C16orf89: variants seen among roughly 807,000 people sequenced by gnomAD.
C16orf89 encodes chromosome 16 open reading frame 89, also known as UPF0764 protein C16orf89.
A neutral mutation model predicts 41.5 loss-of-function variants in C16orf89; 57 were observed. The observed-to-expected ratio is 1.38, with a 90% CI of 1.11 to 1.71. The LOEUF (loss-of-function observed/expected upper bound fraction) is 1.71, where lower values mean the gene tolerates loss of function less well. Ranked by LOEUF, C16orf89 falls within the 40% of genes most tolerant of loss-of-function variation. The pLI is 0.00. For synonymous variants in C16orf89, 223 were observed against 190.6 expected, an observed-to-expected ratio of 1.17 and a Z score of -1.40; for missense variants, 575 against 445.9, an observed-to-expected ratio of 1.29 and a Z score of -2.61.
intron 4 of C16orf89, among the ~76,000 whole-genome samples, chr16:5,057,523 AT>A (rs1465822520): frequency 1.3e-5 from 2 of 149,252 alleles, no homozygotes; most frequent in Non-Finnish European, 3.0e-5. Context: ...TTCTTTTTCT[AT>A]TTTTTTATAT....
intron 7 of C16orf89, among the ~76,000 whole-genome samples, chr16:5,045,515 G>C (rs1052994265): frequency 6.6e-6 from 1 of 152,154 alleles, no homozygotes; most frequent in Non-Finnish European, 1.5e-5. Flanking sequence ...CAGAGACTTT[G>C]GGAAGGGGAG....
At chr16:5,054,812 T>G (rs1056276012) in intron 6 of C16orf89, among the ~76,000 whole-genome samples, 1 of 152,186 alleles carries the variant, frequency 6.6e-6, no homozygotes, top group African/African-American at 2.4e-5. Flanking sequence ...GGGGTTTCCC[T>G]TTGTGCTTGC....
Position 5,065,948 on chromosome 16 carries a change from C to G in C16orf89, c.-40G>C, listed in dbSNP as rs976354784. ...CACTGCTGGTCACACGCTCAGCACC[C>G]TGAGCTCTGGCCAAGCCCAGACTGC... On this transcript the variant is annotated 5_prime_UTR_variant, in exon 1 of 8. Transcript: ENST00000472572. 4 of 1,603,810 alleles carry G rather than the reference C, an allele frequency of 2.5e-6. No individual in the cohort carries two copies. The highest frequency in any genetic ancestry group is 2.7e-5 in the African/African-American group (2 of 74,692).
chr16:5,063,547 T>C (rs957982925), intron 1 of C16orf89, among the ~76,000 whole-genome samples: 4 of 152,126 alleles, frequency 2.6e-5, no homozygotes, highest in African/African-American at 9.7e-5. Flanking sequence ...GCATCTGTAA[T>C]TTACAGCCAC....
intron 3 of C16orf89, 134 bp downstream of exon 3, chr16:5,060,152 T>C: frequency 8.9e-7 from 1 of 1,121,034 alleles, no homozygotes; most frequent in Non-Finnish European, 1.2e-6. Context: ...ACCCGGCAGC[T>C]ACAGGGAGCT....
At chr16:5,062,702 A>G in intron 1 of C16orf89, 128 bp from the exon 2 acceptor site, 1 of 1,068,102 alleles carries the variant, frequency 9.4e-7, no homozygotes, top group Admixed American at 3.0e-5. Flanking sequence ...TCCAGCACTC[A>G]GAGGGGAAGG....
rs896617878 is a variant in C16orf89 at position 5,060,369 on chromosome 16, G to A, written c.426C>T (p.Ser142=). 1 of 1,613,662 alleles carries A rather than the reference G, an allele frequency of 6.2e-7. No homozygotes were observed. The highest frequency in any genetic ancestry group is 8.5e-7 in the Non-Finnish European group (1 of 1,179,842). The change falls in exon 3 of 8, where the codon TCC becomes TCT. Residue 142 remains serine (S), a synonymous_variant. Coordinates refer to ENST00000472572, the MANE Select transcript of C16orf89 (RefSeq NM_001098514.3). ...LPHAWIHTDA[S]LVYPTFGPQD... is the part of the protein sequence containing the mutation. ...GGGGCCCGAACGTGGGGTACACCAA[G>A]GAGGCATCAGTGTGGATCCAGGCAT...
chr16:5,062,093 CT>C (rs2142672879), intron 2 of C16orf89, among the ~76,000 whole-genome samples: 1 of 152,290 alleles, frequency 6.6e-6, no homozygotes, highest in South Asian at 2.1e-4. Flanking sequence ...GTTGAATTGC[CT>C]TTTGGATACT....
At position 5,056,035 on chromosome 16, in the gene C16orf89, G is replaced by A. The variant is rs1956494782; in HGVS notation, c.763+18C>T. ...GACACCCTGTTCCTTTGCCCCGGGG[G>A]CAGAATGCTGGCCATACTGTTTTCC... On this transcript the variant is annotated intron_variant, in intron 5 of 7. Transcript: ENST00000472572. 6.3e-7 allele frequency: 1 copy of A among 1,580,392 alleles called. No individual in the cohort carries two copies. The highest frequency in any genetic ancestry group is 1.7e-5 in the Admixed American group (1 of 58,922).
At chr16:5,057,505 A>T (rs1956535834) in intron 4 of C16orf89, among the ~76,000 whole-genome samples, 1 of 149,828 alleles carries the variant, frequency 6.7e-6, no homozygotes, top group African/African-American at 2.4e-5. Context: ...GCCACCATAT[A>T]TATATTTTTC....
At chr16:5,061,501 A>AAAAAAAAAG (rs67476932) in intron 2 of C16orf89, among the ~76,000 whole-genome samples, 2 of 88,900 alleles carry the variant, frequency 2.2e-5, no homozygotes, top group Non-Finnish European at 4.2e-5. Context: ...AAAAAAAAAA[A>AAAAAAAAAG]AAACCCCCCC....
rs1956498584 is a variant in C16orf89, at chr16:5,056,150, G to C, written c.666C>G (p.Asp222Glu). 1 of 1,595,472 alleles carries C rather than the reference G, an allele frequency of 6.3e-7. No homozygotes were observed. The highest frequency in any genetic ancestry group is 8.6e-7 in the Non-Finnish European group (1 of 1,164,204). The stretch of plus-strand genomic sequence containing the variant: ...TGTTGGCGCAGAAGAGGTTGATATA[G>C]TCCTGGCTCTGTTGGAGTGGTCCCT... ...CTQGPLQQSQ[D>E]YINLFCANMM... The change falls in exon 5 of 8, where the codon GAC (aspartate) becomes GAG (glutamate). Residue 222 changes from aspartate (D) to glutamate (E), a missense_variant. By Grantham distance (45) the Asp-to-Glu change is conservative (BLOSUM62 2). Transcript: ENST00000472572.
At chr16:5,055,980 TGTGTGTGTGTGTGTGTGTGTTGG>T in intron 5 of C16orf89, 50 bp downstream of exon 5, 2 of 1,030,340 alleles carry the variant, frequency 1.9e-6, no homozygotes, top group Non-Finnish European at 2.9e-6. Flanking sequence ...TGTGTGTGTG[TGTGTGTGTGTGTGTGTGTGTTGG>T]TGGGGGGACA....
Position 5,065,736 on chromosome 16 carries a change from T to C in C16orf89, c.173A>G (p.Asn58Ser), listed in dbSNP as rs774526699. ...VFLEQRLPEI[N>S]LDGMVGVRVL... ...TCGGACCCCCACCATGCCATCCAGG[T>C]TGATTTCAGGCAGCCTCTGTTCTAG... The change falls in exon 1 of 8, where the codon AAC becomes AGC. Residue 58 changes from asparagine to serine, a missense_variant. Transcript: ENST00000472572. 1.5e-5 allele frequency: 24 copies of C among 1,614,102 alleles called. No individual in the cohort carries two copies. The highest frequency in any genetic ancestry group is 1.8e-5 in the Non-Finnish European group (21 of 1,179,946).
chr16:5,055,639 C>G, intron 5 of C16orf89: 1 of 1,490,944 alleles, frequency 6.7e-7, no homozygotes. Context: ...CCCAAGCGCT[C>G]CCTGTCTGCC....
At chr16:5,049,437 T>C (rs1014553316) in intron 6 of C16orf89, among the ~76,000 whole-genome samples, 1 of 152,208 alleles carries the variant, frequency 6.6e-6, no homozygotes, top group African/African-American at 2.4e-5. Flanking sequence ...GTCTCCAAAA[T>C]AGACCATATG....
At chr16:5,046,721 T>C (rs562489183) in intron 7 of C16orf89, among the ~76,000 whole-genome samples, 1 of 152,250 alleles carries the variant, frequency 6.6e-6, no homozygotes, top group East Asian at 1.9e-4. Context: ...CCTTCCTGTG[T>C]CCCCCTCCTT....
At chr16:5,052,751 A>G (rs1446849001) in intron 6 of C16orf89, among the ~76,000 whole-genome samples, 1 of 152,208 alleles carries the variant, frequency 6.6e-6, no homozygotes, top group Non-Finnish European at 1.5e-5. Context: ...TAGGACTATC[A>G]TATGATCCAG....
At position 5,047,883 on chromosome 16, in the gene C16orf89, A is replaced by G. The variant is rs1956328019; in HGVS notation, c.950T>C (p.Phe317Ser). 2 of 1,561,516 alleles carry G rather than the reference A, an allele frequency of 1.3e-6. No individual in the cohort carries two copies. Among genetic ancestry groups the G allele is most frequent in the Admixed American group, 1.7e-5 (1 of 59,682 alleles). The change falls in exon 7 of 8, where the codon TTT (phenylalanine) becomes TCT (serine). Residue 317 changes from phenylalanine (F) to serine (S), a missense_variant. By Grantham distance (155) the Phe-to-Ser change is radical. Coordinates refer to ENST00000472572, the MANE Select transcript of C16orf89 (RefSeq NM_001098514.3). ...SRRVKRREKQFPDGCSSHNTA... is the reference protein window; with the variant it reads ...SRRVKRREKQSPDGCSSHNTA... ...CCCTTGGGTATTTTCATTACCTGGAAATTGTTTTTCTCGCCTCTTCACTCT... is the reference window on the plus strand; with the variant it reads ...CCCTTGGGTATTTTCATTACCTGGAGATTGTTTTTCTCGCCTCTTCACTCT...
Sources: allele counts gnomAD v4.1 joint callset (sites outside exome capture counted in the v4.1 genomes callset), GRCh38; gene constraint gnomAD v4.1.1; transcripts MANE v1.5; gene names NCBI Gene and HGNC (gene_info 2026-07-23, HGNC 2026-07-21).